The following DPH6 variants were observed in gnomAD, a reference collection of about 807,000 sequenced individuals.
The protein encoded by DPH6 is diphthamine biosynthesis 6.
DPH6 carries 33 observed loss-of-function variants against 38.2 expected under a neutral mutation model. The observed-to-expected ratio is 0.86, with a 90% CI of 0.65 to 1.15. DPH6 has a LOEUF of 1.15. Among genes scored for constraint, DPH6 ranks in the 50% most tolerant of loss-of-function variants. The pLI is 0.00. For missense variants in DPH6, 325 were observed against 320.0 expected (o/e 1.02, Z -0.12); for synonymous variants, 108 against 103.0 (o/e 1.05, Z -0.30).
intron 3 of DPH6, chr15:35,299,235 G>A (rs1880061516): frequency 2.6e-6 from 3 of 1,176,402 alleles, no homozygotes; most frequent in East Asian, 2.3e-5. Flanking sequence ...ATGCGGTGGT[G>A]TGTCCACAAT....
At chr15:35,293,715 T>C (rs757960664) in intron 3 of DPH6, among the ~76,000 whole-genome samples, 5 of 152,216 alleles carry the variant, frequency 3.3e-5, no homozygotes, top group Non-Finnish European at 7.4e-5. Context: ...AATGCAGGTC[T>C]TCATAAGACA....
intron 3 of DPH6, chr15:35,489,716 T>G (rs188565457): frequency 1.0e-6 from 1 of 978,862 alleles, no homozygotes; most frequent in African/African-American, 1.7e-5. Context: ...AGGTTAGATA[T>G]TAAACCATTT....
intron 3 of DPH6, among the ~76,000 whole-genome samples, chr15:35,320,376 G>C (rs772625013): frequency 2.0e-5 from 3 of 152,122 alleles, no homozygotes; most frequent in Non-Finnish European, 2.9e-5. Context: ...TATATGGTTG[G>C]ATATCTTTTG....
intron 6 of DPH6, among the ~76,000 whole-genome samples, chr15:35,406,934 A>G (rs1285647389): frequency 1.3e-5 from 2 of 152,020 alleles, no homozygotes; most frequent in East Asian, 3.9e-4. Flanking sequence ...AGATCACCAC[A>G]GGAGGAAGGC....
chr15:35,353,180 C>T (rs1209796582), intron 3 of DPH6, among the ~76,000 whole-genome samples: 3 of 152,136 alleles, frequency 2.0e-5, no homozygotes, highest in South Asian at 4.1e-4. Context: ...TAGATATTAG[C>T]CCTTTGTCAG....
intron 3 of DPH6, 22 bp from the exon 4 acceptor site, chr15:35,454,842 A>G (rs771278246): frequency 1.3e-5 from 20 of 1,562,144 alleles, no homozygotes; most frequent in Non-Finnish European, 1.3e-5. Context: ...GAAAAAAACC[A>G]TAACTTTAAA....
rs2052602663 is a variant in DPH6, at chr15:35,360,266, G to A, written n.207+13255C>T. ...TCACATGGATGCTGCTGGGTCTGTAGTCAGGTACACAGTTGAAGGGCCTGT... is the reference window on the plus strand; with the variant it reads ...TCACATGGATGCTGCTGGGTCTGTAATCAGGTACACAGTTGAAGGGCCTGT... On this transcript the variant is annotated intron_variant and non_coding_transcript_variant, in intron 3 of 3. Coordinates refer to the DPH6 transcript ENST00000558973. 3.3e-5 allele frequency among the ~76,000 whole-genome samples: 5 copies of A among 152,142 alleles called. No homozygotes were observed. In the South Asian group the frequency reaches 1.0e-3, roughly 32 times the overall value.
chr15:35,307,032 T>C (rs1006626053), intron 3 of DPH6, among the ~76,000 whole-genome samples: 1 of 152,134 alleles, frequency 6.6e-6, no homozygotes, highest in African/African-American at 2.4e-5. Context: ...TTTTATAGTA[T>C]GACTGTGCAC....
intron 3 of DPH6, among the ~76,000 whole-genome samples, chr15:35,476,191 T>A (rs896815433): frequency 6.6e-6 from 1 of 151,894 alleles, no homozygotes; most frequent in Non-Finnish European, 1.5e-5. Context: ...GGCATGTATT[T>A]CTAACAATGA....
chr15:35,330,947 T>C (rs932988737), exon 4 of DPH6: 2 of 152,218 alleles, frequency 1.3e-5, no homozygotes, highest in African/African-American at 4.8e-5. Context: ...AATTAGCACC[T>C]TGGAGAAAAG....
intron 3 of DPH6, among the ~76,000 whole-genome samples, chr15:35,255,259 T>G (rs2051699808): frequency 6.6e-6 from 1 of 152,200 alleles, no homozygotes; most frequent in Non-Finnish European, 1.5e-5. Context: ...AAAAGAAGGT[T>G]ATAAAGTAAT....
At chr15:35,452,140 T>G (rs1246000726) in intron 4 of DPH6, among the ~76,000 whole-genome samples, 1 of 136,594 alleles carries the variant, frequency 7.3e-6, no homozygotes, top group African/African-American at 2.7e-5. Context: ...TTCCTACTAC[T>G]TATTCTCTTC....
At chr15:35,536,423 T>C (rs2055170343) in intron 3 of DPH6, among the ~76,000 whole-genome samples, 1 of 152,004 alleles carries the variant, frequency 6.6e-6, no homozygotes, top group Non-Finnish European at 1.5e-5. Flanking sequence ...TTCCAAAGCA[T>C]AAGTTGTCAA....
downstream of DPH6, among the ~76,000 whole-genome samples, chr15:35,328,107 C>CTA (rs137985234): frequency 2.8e-3 from 429 of 151,438 alleles, no homozygotes; most frequent in South Asian, 5.4e-3. Context: ...TCAGGCAAAC[C>CTA]TATATATATA....
At chr15:35,270,094 C>T (rs912922337) in intron 3 of DPH6, among the ~76,000 whole-genome samples, 2 of 151,944 alleles carry the variant, frequency 1.3e-5, no homozygotes, top group East Asian at 1.9e-4. Flanking sequence ...CCACCGCGCC[C>T]GGCCTTGTTA....
intron 3 of DPH6, among the ~76,000 whole-genome samples, chr15:35,293,698 C>T (rs564174445): frequency 3.7e-4 from 57 of 152,270 alleles, no homozygotes; most frequent in Non-Finnish European, 6.6e-4. Context: ...GGAAAAATTG[C>T]TTCTGAAATG....
At chr15:35,405,940 T>C (rs1222090639) in intron 6 of DPH6, among the ~76,000 whole-genome samples, 1 of 151,994 alleles carries the variant, frequency 6.6e-6, no homozygotes, top group Non-Finnish European at 1.5e-5. Context: ...TTGAGGTATG[T>C]TCTTTCTATA....
At chr15:35,451,356 AGT>A (rs1465563150) in intron 4 of DPH6, among the ~76,000 whole-genome samples, 2 of 152,190 alleles carry the variant, frequency 1.3e-5, no homozygotes, top group Non-Finnish European at 2.9e-5. Flanking sequence ...TAGGTTTTGG[AGT>A]GAAGACACAT....
intron 5 of DPH6, among the ~76,000 whole-genome samples, chr15:35,437,520 G>A (rs983228193): frequency 2.0e-5 from 3 of 152,172 alleles, no homozygotes; most frequent in Non-Finnish European, 4.4e-5. Context: ...TTGGGCTTTT[G>A]GCCTCCCTCT....
Sources: gnomAD v4.1 joint callset for allele counts (sites outside exome capture counted in the v4.1 genomes callset) on GRCh38, gnomAD v4.1.1 for gene constraint, MANE v1.5 for transcripts, NCBI Gene and HGNC (gene_info 2026-07-23, HGNC 2026-07-21) for gene names.